Variants in EYS observed in about 807,000 individuals in gnomAD.
The protein encoded by EYS is protein eyes shut homolog.
A neutral mutation model predicts 282.1 loss-of-function variants in EYS; 250 were observed. That is an observed-to-expected ratio of 0.89 (90% CI 0.80 to 0.98). The LOEUF (loss-of-function observed/expected upper bound fraction) is 0.98, where lower values mean the gene tolerates loss of function less well. EYS is among the 50% of genes least tolerant of loss of function. The probability of loss-of-function intolerance (pLI) is 0.00; values close to 1 mark genes in which losing one functional copy is unlikely to be tolerated. For missense variants in EYS, 4,016 were observed against 3,709.0 expected, an observed-to-expected ratio of 1.08 and a Z score of -2.15; for synonymous variants, 1,355 against 1,282.9, an observed-to-expected ratio of 1.06 and a Z score of -1.20.
chr6:64,018,506 G>A (rs1244560337), intron 33 of EYS, among the ~76,000 whole-genome samples: 7 of 151,980 alleles, frequency 4.6e-5, no homozygotes, highest in African/African-American at 1.4e-4. Context: ...TTATACAGCC[G>A]AATAGCAAAA....
At chr6:64,808,447 C>T (rs796413766) in intron 22 of EYS, among the ~76,000 whole-genome samples, 36 of 152,100 alleles carry the variant, frequency 2.4e-4, no homozygotes, top group African/African-American at 8.7e-4. Flanking sequence ...ACTGAGACAA[C>T]ATGAGATTTA....
At chr6:63,763,913 T>C (rs1437432584) in intron 40 of EYS, among the ~76,000 whole-genome samples, 1 of 145,904 alleles carries the variant, frequency 6.9e-6, no homozygotes, top group East Asian at 2.0e-4. Context: ...TGATAAACTG[T>C]TGTTTGTCAG....
At chr6:65,530,841 G>A (rs1171208004) in intron 2 of EYS, among the ~76,000 whole-genome samples, 1 of 151,994 alleles carries the variant, frequency 6.6e-6, no homozygotes, top group Non-Finnish European at 1.5e-5. Context: ...CATACTTTTT[G>A]TTCCTTGTGC....
At chr6:65,475,756 GACACACAC>G (rs545961939) in intron 5 of EYS, among the ~76,000 whole-genome samples, 5 of 145,902 alleles carry the variant, frequency 3.4e-5, no homozygotes, top group Non-Finnish European at 7.5e-5. Context: ...CAGACAGACA[GACACACAC>G]ACACACACAC....
chr6:64,833,135 T>A (rs945142169), intron 19 of EYS, among the ~76,000 whole-genome samples: 15 of 151,920 alleles, frequency 9.9e-5, no homozygotes, highest in African/African-American at 3.6e-4. Context: ...TTATTTCTTG[T>A]ACTTCAATAC....
intron 1 of EYS, among the ~76,000 whole-genome samples, chr6:65,701,848 G>A (rs1364073251): frequency 6.6e-6 from 1 of 152,120 alleles, no homozygotes; most frequent in Non-Finnish European, 1.5e-5. Flanking sequence ...TTTGGAACAG[G>A]AAGCTTTGTA....
intron 33 of EYS, among the ~76,000 whole-genome samples, chr6:64,026,100 G>A (rs916660820): frequency 3.9e-5 from 6 of 152,128 alleles, no homozygotes; most frequent in South Asian, 4.1e-4. Context: ...GTCAGTGAGC[G>A]CAACTATTCT....
intron 28 of EYS, among the ~76,000 whole-genome samples, chr6:64,403,999 G>A (rs116200808): frequency 0.025 from 3,789 of 152,220 alleles, 149 homozygotes; most frequent in African/African-American, 0.086. Context: ...CCTTGAAAGT[G>A]TATTTCTTAT....
chr6:65,603,935 G>A (rs1765693169), intron 2 of EYS, among the ~76,000 whole-genome samples: 2 of 151,746 alleles, frequency 1.3e-5, no homozygotes, highest in East Asian at 1.9e-4. Flanking sequence ...AATGTTACCT[G>A]TAAACTTTAT....
intron 29 of EYS, among the ~76,000 whole-genome samples, chr6:64,314,221 A>T (rs1342081408): frequency 6.8e-6 from 1 of 148,100 alleles, no homozygotes; most frequent in Admixed American, 6.8e-5. Flanking sequence ...AAAAAAAAGC[A>T]GGGGTTGCAA....
chr6:64,943,661 G>T (rs766285019), intron 15 of EYS, among the ~76,000 whole-genome samples: 1 of 151,992 alleles, frequency 6.6e-6, no homozygotes, highest in Non-Finnish European at 1.5e-5. Flanking sequence ...GGATGTGAAA[G>T]ATCTGTACAA....
At chr6:64,349,485 A>C (rs971267121) in intron 29 of EYS, among the ~76,000 whole-genome samples, 2 of 151,296 alleles carry the variant, frequency 1.3e-5, no homozygotes, top group Non-Finnish European at 1.5e-5. Flanking sequence ...AGCCTGAACA[A>C]TTAGGAAAAT....
chr6:64,531,947 C>T (rs1263526831), intron 26 of EYS, among the ~76,000 whole-genome samples: 1 of 152,062 alleles, frequency 6.6e-6, no homozygotes, highest in African/African-American at 2.4e-5. Flanking sequence ...GTCCTCTGGG[C>T]CTTTATTGCA....
At chr6:63,975,306 TACACTGC>T (rs1562127029) in intron 35 of EYS, among the ~76,000 whole-genome samples, 9 of 151,966 alleles carry the variant, frequency 5.9e-5, no homozygotes, top group Non-Finnish European at 2.9e-5. Flanking sequence ...CCACGATCAT[TACACTGC>T]TTAACACAAA....
intron 7 of EYS, among the ~76,000 whole-genome samples, chr6:65,393,667 C>T (rs553633420): frequency 5.3e-5 from 8 of 151,840 alleles, no homozygotes; most frequent in South Asian, 4.2e-4. Flanking sequence ...ATATTTGTGA[C>T]ATAAACTGAA....
chr6:64,127,325 C>T (rs1773818775), intron 31 of EYS, among the ~76,000 whole-genome samples: 3 of 152,138 alleles, frequency 2.0e-5, no homozygotes. Context: ...ATGGTAGTAA[C>T]TGCTATACAA....
intron 2 of EYS, among the ~76,000 whole-genome samples, chr6:65,595,754 A>G (rs1178401330): frequency 1.3e-5 from 2 of 152,126 alleles, no homozygotes; most frequent in Admixed American, 1.3e-4. Flanking sequence ...CACCAAATAC[A>G]GAATATGGGT....
At chr6:64,208,633 A>G (rs1478710641) in intron 31 of EYS, among the ~76,000 whole-genome samples, 1 of 152,198 alleles carries the variant, frequency 6.6e-6, no homozygotes, top group Non-Finnish European at 1.5e-5. Context: ...AATATTTTAG[A>G]AATCCAAAAT....
chr6:65,137,709 A>AG (rs1776060487), intron 12 of EYS, among the ~76,000 whole-genome samples: 4 of 152,132 alleles, frequency 2.6e-5, no homozygotes, highest in African/African-American at 9.7e-5. Context: ...AGGTTAAAAT[A>AG]TATAGGATTA....
Sources: gnomAD v4.1 joint callset for allele counts (sites outside exome capture counted in the v4.1 genomes callset) on GRCh38, gnomAD v4.1.1 for gene constraint, MANE v1.5 for transcripts, NCBI Gene and HGNC (gene_info 2026-07-23, HGNC 2026-07-21) for gene names.